ZMAT4: variants seen among roughly 807,000 people sequenced by gnomAD.
ZMAT4 encodes zinc finger matrin-type 4.
In ZMAT4, 17 loss-of-function variants were observed where a neutral mutation model predicts 28.7. The observed-to-expected ratio is 0.59, with a 90% CI of 0.41 to 0.89. ZMAT4 has a LOEUF of 0.89. ZMAT4 is among the 40% of genes least tolerant of loss of function. The pLI, the probability that ZMAT4 is intolerant of heterozygous loss-of-function variation, is 0.00. For missense variants in ZMAT4, 240 were observed against 283.8 expected (o/e 0.85, Z 1.11); for synonymous variants, 117 against 109.2 (o/e 1.07, Z -0.44).
At chr8:40,747,605 AC>A (rs1195869458) in intron 3 of ZMAT4, among the ~76,000 whole-genome samples, 3 of 152,168 alleles carry the variant, frequency 2.0e-5, no homozygotes, top group Non-Finnish European at 2.9e-5. Context: ...AGAAAAAAAA[AC>A]AACACATAAA....
intron 2 of ZMAT4, among the ~76,000 whole-genome samples, chr8:40,797,520 G>A (rs779333134): frequency 1.3e-5 from 2 of 152,186 alleles, no homozygotes; most frequent in Non-Finnish European, 2.9e-5. Context: ...AAGGGGAGGG[G>A]GAGTGAGTGA....
intron 2 of ZMAT4, among the ~76,000 whole-genome samples, chr8:40,801,352 A>AATATATATATATATATATG (rs774919666): frequency 1.4e-5 from 1 of 72,148 alleles, no homozygotes; most frequent in African/African-American, 4.6e-5. Context: ...AAAAAAAAAA[A>AATATATATATATATATATG]TATATATATA....
intron 5 of ZMAT4, among the ~76,000 whole-genome samples, chr8:40,628,407 G>A (rs890501351): frequency 1.3e-5 from 2 of 152,136 alleles, no homozygotes; most frequent in Non-Finnish European, 1.5e-5. Context: ...TTTTGTCTTC[G>A]TAATAACCTT....
intron 2 of ZMAT4, among the ~76,000 whole-genome samples, chr8:40,801,352 A>AATATATATATATATATATATATATATG (rs774919666): frequency 1.4e-5 from 1 of 72,146 alleles, no homozygotes; most frequent in African/African-American, 4.6e-5. Context: ...AAAAAAAAAA[A>AATATATATATATATATATATATATATG]TATATATATA....
intron 3 of ZMAT4, among the ~76,000 whole-genome samples, chr8:40,733,065 G>A (rs1454111883): frequency 3.3e-5 from 5 of 151,844 alleles, no homozygotes; most frequent in Non-Finnish European, 5.9e-5. Context: ...GGCTGGTCTT[G>A]AAATCCTGGC....
intron 6 of ZMAT4, among the ~76,000 whole-genome samples, chr8:40,544,744 T>A (rs1261502209): frequency 1.3e-5 from 2 of 152,120 alleles, no homozygotes; most frequent in Non-Finnish European, 2.9e-5. Flanking sequence ...ACCCCAGGAA[T>A]TCTAATGGGA....
chr8:40,534,898 G>T (rs1375075048), intron 6 of ZMAT4, among the ~76,000 whole-genome samples: 1 of 151,910 alleles, frequency 6.6e-6, no homozygotes, highest in Non-Finnish European at 1.5e-5. Flanking sequence ...GGCCATGCTG[G>T]TCTCAAACTC....
intron 1 of ZMAT4, among the ~76,000 whole-genome samples, chr8:40,849,033 A>C (rs1035939526): frequency 6.6e-6 from 1 of 152,248 alleles, no homozygotes; most frequent in Non-Finnish European, 1.5e-5. Context: ...CGGGAGGACA[A>C]GCTGCTGTCA....
At chr8:40,811,285 G>T (rs1815302781) in intron 2 of ZMAT4, among the ~76,000 whole-genome samples, 1 of 152,196 alleles carries the variant, frequency 6.6e-6, no homozygotes, top group African/African-American at 2.4e-5. Context: ...GTGGTTGTAA[G>T]ACGAGTGGAT....
At position 40,615,483 on chromosome 8, in the gene ZMAT4, G is replaced by C. The variant is rs1372049268; in HGVS notation, c.578-34222C>G. Among the ~76,000 whole-genome samples, 47 of 152,188 alleles carry C rather than the reference G, an allele frequency of 3.1e-4. 1 individual carries two copies. The highest frequency in any genetic ancestry group is 3.1e-3 in the Admixed American group (47 of 15,270). On this transcript the variant is annotated intron_variant, in intron 5 of 6. Coordinates refer to ENST00000297737, the MANE Select transcript of ZMAT4 (RefSeq NM_024645.3). ...TTTGAATGTTGGCCTGACTTGCTAT[G>C]TTAGGGAAGTTCTCCTGGATGATAT...
intron 2 of ZMAT4, among the ~76,000 whole-genome samples, chr8:40,818,727 C>T (rs1324973930): frequency 2.6e-5 from 4 of 152,280 alleles, no homozygotes; most frequent in Admixed American, 6.5e-5. Flanking sequence ...TACTCAAGTC[C>T]GGTTGGGGCA....
At chr8:40,849,457 A>G (rs1420847968) in intron 1 of ZMAT4, among the ~76,000 whole-genome samples, 1 of 152,248 alleles carries the variant, frequency 6.6e-6, no homozygotes, top group Non-Finnish European at 1.5e-5. Context: ...CCCAAGAGAA[A>G]GAGATAAAAG....
chr8:40,718,522 C>A (rs532346939), intron 3 of ZMAT4, among the ~76,000 whole-genome samples: 7 of 151,778 alleles, frequency 4.6e-5, no homozygotes, highest in African/African-American at 1.7e-4. Flanking sequence ...TTTTAAATTT[C>A]CAGTTTATTC....
rs566795317 is a variant in ZMAT4 at position 40,663,608 on chromosome 8, T to C, written c.577+11096A>G. Among the ~76,000 whole-genome samples, 7 of 152,318 alleles carry C rather than the reference T, an allele frequency of 4.6e-5. No individual in the cohort carries two copies. In the East Asian group the frequency reaches 7.7e-4, roughly 17 times the overall value. On this transcript the variant is annotated intron_variant, in intron 5 of 6. Coordinates refer to ENST00000297737, the MANE Select transcript of ZMAT4 (RefSeq NM_024645.3). ...CTACCCCAATAATATGACAGGAACA[T>C]GAGCCATTTAAGCAGTTTAATTATC...
chr8:40,847,290 TA>T (rs920294542), intron 1 of ZMAT4, among the ~76,000 whole-genome samples: 1 of 151,874 alleles, frequency 6.6e-6, no homozygotes, highest in African/African-American at 2.4e-5. Context: ...CCTCTCCCTC[TA>T]AAAAATGCGT....
At chr8:40,706,035 CTTAT>C (rs749280656) in intron 3 of ZMAT4, among the ~76,000 whole-genome samples, 1 of 151,922 alleles carries the variant, frequency 6.6e-6, no homozygotes, top group Admixed American at 6.6e-5. Context: ...TGAGTATTTA[CTTAT>C]TTATTTATTT....
At chr8:40,731,830 T>C (rs1260718256) in intron 3 of ZMAT4, among the ~76,000 whole-genome samples, 1 of 152,204 alleles carries the variant, frequency 6.6e-6, no homozygotes, top group African/African-American at 2.4e-5. Flanking sequence ...TCAGTGTCCA[T>C]GGATGGATGA....
intron 1 of ZMAT4, among the ~76,000 whole-genome samples, chr8:40,884,025 ACT>A (rs1563265530): frequency 6.6e-6 from 1 of 151,704 alleles, no homozygotes; most frequent in African/African-American, 2.4e-5. Flanking sequence ...ACGCAGCACA[ACT>A]CTCTGTCATT....
At chr8:40,667,603 C>T (rs746531855) in intron 5 of ZMAT4, among the ~76,000 whole-genome samples, 4 of 152,042 alleles carry the variant, frequency 2.6e-5, no homozygotes, top group African/African-American at 9.7e-5. Flanking sequence ...AGTGATCTCT[C>T]GAGGTTCTCA....
Sources: allele counts gnomAD v4.1 joint callset (sites outside exome capture counted in the v4.1 genomes callset), GRCh38; gene constraint gnomAD v4.1.1; transcripts MANE v1.5; gene names NCBI Gene and HGNC (gene_info 2026-07-23, HGNC 2026-07-21).